Variants in SORCS3 observed in about 807,000 individuals in gnomAD.
SORCS3 encodes the protein VPS10 domain-containing receptor SorCS3.
SORCS3 carries 57 observed loss-of-function variants against 146.3 expected under a neutral mutation model. That is an observed-to-expected ratio of 0.39 (90% CI 0.31 to 0.49). The LOEUF (loss-of-function observed/expected upper bound fraction) is 0.49, where lower values mean the gene tolerates loss of function less well. Among genes scored for constraint, SORCS3 ranks in the 20% least tolerant of loss-of-function variants. The pLI, the probability that SORCS3 is intolerant of heterozygous loss-of-function variation, is 0.92. For missense variants in SORCS3, 1,341 were observed against 1,575.5 expected, an observed-to-expected ratio of 0.85 and a Z score of 2.52; for synonymous variants, 653 against 618.5, an observed-to-expected ratio of 1.06 and a Z score of -0.83.
chr10:104,742,823 C>T (rs982961655), intron 1 of SORCS3, among the ~76,000 whole-genome samples: 2 of 152,106 alleles, frequency 1.3e-5, no homozygotes, highest in South Asian at 2.1e-4. Flanking sequence ...GCTCCATGTT[C>T]CATTGGTTGG....
At chr10:104,889,538 CT>C in intron 2 of SORCS3, among the ~76,000 whole-genome samples, 1 of 147,360 alleles carries the variant, frequency 6.8e-6, no homozygotes, top group Admixed American at 6.8e-5. Flanking sequence ...TTAGGGGTTG[CT>C]TTTGGGTTTA....
chr10:105,116,950 G>T (rs921111703), intron 7 of SORCS3, among the ~76,000 whole-genome samples: 2 of 151,946 alleles, frequency 1.3e-5, no homozygotes, highest in African/African-American at 4.8e-5. Flanking sequence ...CTTATTACCT[G>T]GGTGACAAAA....
chr10:104,988,188 G>A (rs1371135156), intron 4 of SORCS3, among the ~76,000 whole-genome samples: 1 of 152,176 alleles, frequency 6.6e-6, no homozygotes, highest in South Asian at 2.1e-4. Context: ...TCCTAGGCCT[G>A]GCTGAGGTAC....
At chr10:105,078,926 G>T (rs2055606124) in intron 5 of SORCS3, among the ~76,000 whole-genome samples, 2 of 151,616 alleles carry the variant, frequency 1.3e-5, no homozygotes, top group African/African-American at 4.9e-5. Flanking sequence ...TCTGTGAAAA[G>T]GAGCACCTGT....
chr10:105,234,601 G>A (rs11192372), intron 20 of SORCS3, among the ~76,000 whole-genome samples: 14,123 of 136,984 alleles, frequency 0.1, 761 homozygotes, highest in Middle Eastern at 0.2. Context: ...GGCATTTTCT[G>A]TTGAGATGTT....
intron 1 of SORCS3, among the ~76,000 whole-genome samples, chr10:104,735,456 G>GTTTTTTTTTCTTTTTTT (rs2016757784): frequency 2.9e-5 from 1 of 34,994 alleles, no homozygotes; most frequent in African/African-American, 1.2e-4. Context: ...CTCACCGTCT[G>GTTTTTTTTTCTTTTTTT]TTTTTTTTTT....
chr10:104,962,223 A>G (rs1057365004), intron 3 of SORCS3, among the ~76,000 whole-genome samples: 1 of 152,086 alleles, frequency 6.6e-6, no homozygotes, highest in Non-Finnish European at 1.5e-5. Flanking sequence ...GGGGAGTGGC[A>G]TGGGCAAAGA....
intron 3 of SORCS3, among the ~76,000 whole-genome samples, chr10:104,938,526 G>A (rs1291164056): frequency 1.3e-5 from 2 of 151,512 alleles, no homozygotes; most frequent in Admixed American, 1.3e-4. Context: ...TAGCACCAGT[G>A]CTTATGCCCA....
intron 1 of SORCS3, among the ~76,000 whole-genome samples, chr10:104,690,489 G>A (rs1444899490): frequency 6.6e-6 from 1 of 152,196 alleles, no homozygotes; most frequent in Non-Finnish European, 1.5e-5. Flanking sequence ...CAAAGTCACA[G>A]GGTTGAGGCA....
At chr10:104,653,433 T>C (rs888703798) in intron 1 of SORCS3, among the ~76,000 whole-genome samples, 1 of 152,208 alleles carries the variant, frequency 6.6e-6, no homozygotes, top group African/African-American at 2.4e-5. Context: ...GATTAGTGCC[T>C]CTGTTTTTTG....
chr10:104,995,199 G>C (rs113720389), intron 4 of SORCS3, among the ~76,000 whole-genome samples: 1 of 135,696 alleles, frequency 7.4e-6, no homozygotes, highest in African/African-American at 2.8e-5. Context: ...TTGCTCTGTC[G>C]TCCAGGCTGG....
chr10:105,014,569 A>G (rs2055154475), intron 4 of SORCS3, among the ~76,000 whole-genome samples: 1 of 152,202 alleles, frequency 6.6e-6, no homozygotes, highest in South Asian at 2.1e-4. Context: ...ATAAAGAAAT[A>G]TTATAAGTTT....
intron 8 of SORCS3, among the ~76,000 whole-genome samples, chr10:105,142,462 C>G (rs1186226124): frequency 2.6e-5 from 4 of 152,160 alleles, no homozygotes; most frequent in African/African-American, 9.7e-5. Flanking sequence ...CCAATCTGGA[C>G]AAAATGCCTG....
At chr10:105,220,481 C>T (rs1370684311) in intron 19 of SORCS3, among the ~76,000 whole-genome samples, 1 of 152,142 alleles carries the variant, frequency 6.6e-6, no homozygotes, top group Non-Finnish European at 1.5e-5. Context: ...AAACTCAAGG[C>T]CATGAACCAT....
intron 1 of SORCS3, among the ~76,000 whole-genome samples, chr10:104,705,003 C>G (rs1465460992): frequency 6.6e-6 from 1 of 152,220 alleles, no homozygotes; most frequent in East Asian, 1.9e-4. Flanking sequence ...TTAACCCCCT[C>G]TTCCCTCATT....
intron 2 of SORCS3, among the ~76,000 whole-genome samples, chr10:104,858,868 C>A (rs1589526118): frequency 2.0e-5 from 3 of 150,768 alleles, no homozygotes; most frequent in South Asian, 4.2e-4. Flanking sequence ...TGATCCGCCC[C>A]CCTCAGCCTC....
intron 1 of SORCS3, among the ~76,000 whole-genome samples, chr10:104,832,727 A>AAATG (rs760326735): frequency 1.0e-4 from 15 of 150,160 alleles, no homozygotes; most frequent in Non-Finnish European, 2.2e-4. Context: ...TCAAATAAAT[A>AAATG]AATAAATAAA....
chr10:104,700,043 G>A (rs377617571), intron 1 of SORCS3, among the ~76,000 whole-genome samples: 105 of 152,286 alleles, frequency 6.9e-4, no homozygotes, highest in African/African-American at 2.4e-3. Context: ...TTAAGTCAAA[G>A]CATTGCCTAA....
chr10:105,059,446 G>A (rs545686729), intron 5 of SORCS3, among the ~76,000 whole-genome samples: 2 of 152,236 alleles, frequency 1.3e-5, no homozygotes, highest in East Asian at 3.9e-4. Flanking sequence ...TTAACATTAT[G>A]ACATGAATGA....
Sources: allele counts gnomAD v4.1 joint callset (sites outside exome capture counted in the v4.1 genomes callset), GRCh38; gene constraint gnomAD v4.1.1; transcripts MANE v1.5; gene names NCBI Gene and HGNC (gene_info 2026-07-23, HGNC 2026-07-21).